Variants in PTPRG observed in about 807,000 individuals in gnomAD.
PTPRG encodes the protein receptor-type tyrosine-protein phosphatase gamma.
In PTPRG, 102 loss-of-function variants were observed where a neutral mutation model predicts 165.3. That is an observed-to-expected ratio of 0.62 (90% CI 0.53 to 0.73). PTPRG has a LOEUF of 0.73. PTPRG is among the 30% of genes least tolerant of loss of function. The pLI, the probability that PTPRG is intolerant of heterozygous loss-of-function variation, is 0.00. For synonymous variants in PTPRG, 675 were observed against 669.5 expected (o/e 1.01, Z -0.13); for missense variants, 1,866 against 1,861.4 (o/e 1.00, Z -0.05).
intron 6 of PTPRG, among the ~76,000 whole-genome samples, chr3:62,154,227 A>G (rs1046440901): frequency 2.0e-5 from 3 of 152,176 alleles, no homozygotes; most frequent in African/African-American, 7.2e-5. Context: ...GAACTAAGCC[A>G]CTGAACTGTC....
At chr3:62,062,917 G>A (rs1018514727) in intron 4 of PTPRG, among the ~76,000 whole-genome samples, 3 of 152,018 alleles carry the variant, frequency 2.0e-5, no homozygotes, top group Admixed American at 6.6e-5. Flanking sequence ...GCCTCCCAGA[G>A]TGCTGGGATT....
At chr3:61,664,542 A>G (rs924604522) in intron 1 of PTPRG, among the ~76,000 whole-genome samples, 1 of 152,226 alleles carries the variant, frequency 6.6e-6, no homozygotes, top group African/African-American at 2.4e-5. Flanking sequence ...TTAAAAATGC[A>G]TTGTAAAGGC....
At chr3:61,695,796 T>C (rs370667025) in intron 1 of PTPRG, among the ~76,000 whole-genome samples, 50 of 152,354 alleles carry the variant, frequency 3.3e-4, no homozygotes, top group African/African-American at 1.2e-3. Flanking sequence ...TTTTGCCAAG[T>C]GAACAATAGT....
intron 2 of PTPRG, among the ~76,000 whole-genome samples, chr3:61,906,404 C>T (rs953520924): frequency 4.6e-5 from 7 of 151,084 alleles, no homozygotes; most frequent in Non-Finnish European, 1.0e-4. Flanking sequence ...TTCAGTGAGC[C>T]GAGATCATGC....
chr3:62,102,209 ACT>A (rs1702312074), intron 5 of PTPRG, among the ~76,000 whole-genome samples: 2 of 152,054 alleles, frequency 1.3e-5, no homozygotes, highest in South Asian at 4.1e-4. Context: ...CAGCGTGGAT[ACT>A]TAAGGTAACT....
chr3:61,806,452 C>G (rs992724207), intron 2 of PTPRG, among the ~76,000 whole-genome samples: 1 of 152,096 alleles, frequency 6.6e-6, no homozygotes, highest in Non-Finnish European at 1.5e-5. Context: ...AATACACATG[C>G]CCTGTCGGGT....
At chr3:62,016,431 G>A (rs2041545783) in intron 4 of PTPRG, among the ~76,000 whole-genome samples, 2 of 152,250 alleles carry the variant, frequency 1.3e-5, no homozygotes, top group South Asian at 4.1e-4. Context: ...CTCCCAAAGT[G>A]CCGGGATTAC....
chr3:61,654,776 C>G (rs1240700246), intron 1 of PTPRG, among the ~76,000 whole-genome samples: 2 of 48,490 alleles, frequency 4.1e-5, no homozygotes, highest in Non-Finnish European at 8.2e-5. Flanking sequence ...GCTACCTGTG[C>G]TTTTTCTTTT....
intron 1 of PTPRG, among the ~76,000 whole-genome samples, chr3:61,600,192 ATGTGTGTGTGTG>A (rs1258297289): frequency 1.9e-5 from 2 of 106,638 alleles, no homozygotes; most frequent in African/African-American, 6.6e-5. Flanking sequence ...ATATATATAT[ATGTGTGTGTGTG>A]TGTGTGTGTG....
chr3:62,003,555 A>ATGCTG, intron 4 of PTPRG, 58 bp downstream of exon 4: 1 of 1,593,712 alleles, frequency 6.3e-7, no homozygotes, highest in Non-Finnish European at 8.6e-7. Flanking sequence ...TGTTAATCAG[A>ATGCTG]TGCTGTGCCC....
chr3:61,955,582 T>C (rs956021884), intron 2 of PTPRG, among the ~76,000 whole-genome samples: 5 of 152,182 alleles, frequency 3.3e-5, no homozygotes, highest in Non-Finnish European at 7.3e-5. Context: ...GCAATATAGA[T>C]ACCTGGCTAG....
intron 1 of PTPRG, among the ~76,000 whole-genome samples, chr3:61,619,616 T>C (rs1474967757): frequency 1.3e-5 from 2 of 152,172 alleles, no homozygotes; most frequent in Admixed American, 1.3e-4. Flanking sequence ...ACTGCAAAAA[T>C]GGGCTTGGGT....
At chr3:61,699,234 G>A (rs749152642) in intron 1 of PTPRG, among the ~76,000 whole-genome samples, 15 of 151,844 alleles carry the variant, frequency 9.9e-5, no homozygotes, top group South Asian at 2.1e-4. Flanking sequence ...TGGTATGGCC[G>A]TAGGAAAAAA....
At chr3:61,614,716 T>G (rs1407821354) in intron 1 of PTPRG, among the ~76,000 whole-genome samples, 1 of 152,196 alleles carries the variant, frequency 6.6e-6, no homozygotes, top group Non-Finnish European at 1.5e-5. Context: ...CCAGCCTACT[T>G]TAATAATACT....
At chr3:61,627,458 G>T (rs1029758255) in intron 1 of PTPRG, among the ~76,000 whole-genome samples, 1 of 152,108 alleles carries the variant, frequency 6.6e-6, no homozygotes, top group Non-Finnish European at 1.5e-5. Context: ...TATTCTTTAT[G>T]ATGGCTGCTG....
At chr3:61,826,740 G>T (rs2036124077) in intron 2 of PTPRG, among the ~76,000 whole-genome samples, 1 of 151,758 alleles carries the variant, frequency 6.6e-6, no homozygotes, top group South Asian at 2.1e-4. Context: ...AAGCAAAGAT[G>T]CCTGACTTCT....
At chr3:61,647,586 C>T (rs368432780) in intron 1 of PTPRG, among the ~76,000 whole-genome samples, 29 of 152,094 alleles carry the variant, frequency 1.9e-4, no homozygotes, top group Non-Finnish European at 3.7e-4. Context: ...GTCAGGAGAT[C>T]GAGACCATCC....
At chr3:61,835,983 T>G (rs1448722503) in intron 2 of PTPRG, among the ~76,000 whole-genome samples, 1 of 151,366 alleles carries the variant, frequency 6.6e-6, no homozygotes, top group Admixed American at 6.6e-5. Context: ...GAGGATGCGG[T>G]GAGCTAAGAT....
At chr3:61,625,400 C>T (rs1475666435) in intron 1 of PTPRG, among the ~76,000 whole-genome samples, 2 of 152,080 alleles carry the variant, frequency 1.3e-5, no homozygotes, top group East Asian at 1.9e-4. Flanking sequence ...TGACTTTTAA[C>T]TTTCATCTCT....
Sources: allele counts gnomAD v4.1 joint callset (sites outside exome capture counted in the v4.1 genomes callset), GRCh38; gene constraint gnomAD v4.1.1; transcripts MANE v1.5; gene names NCBI Gene and HGNC (gene_info 2026-07-23, HGNC 2026-07-21).